Variants in UNC13C observed in about 807,000 individuals in gnomAD.
UNC13C encodes unc-13 homolog C.
A neutral mutation model predicts 245.4 loss-of-function variants in UNC13C; 174 were observed. That is an observed-to-expected ratio of 0.71 (90% CI 0.63 to 0.80). UNC13C has a LOEUF of 0.80. Among genes scored for constraint, UNC13C ranks in the 30% least tolerant of loss-of-function variants. The pLI, the probability that UNC13C is intolerant of heterozygous loss-of-function variation, is 0.00. For synonymous variants in UNC13C, 992 were observed against 895.1 expected (o/e 1.11, Z -1.93); for missense variants, 2,829 against 2,602.9 (o/e 1.09, Z -1.89).
chr15:54,203,421 G>T (rs1181986873), intron 4 of UNC13C, among the ~76,000 whole-genome samples: 1 of 150,006 alleles, frequency 6.7e-6, no homozygotes, highest in Non-Finnish European at 1.5e-5. Context: ...TATAGAATCA[G>T]TCCAAATGCC....
chr15:54,043,985 G>A (rs1017259246), intron 2 of UNC13C, among the ~76,000 whole-genome samples: 14 of 152,046 alleles, frequency 9.2e-5, no homozygotes, highest in African/African-American at 3.4e-4. Flanking sequence ...ATAATTTTTA[G>A]CATATTTAGA....
chr15:53,859,884 A>G, the UNC13C span, among the ~76,000 whole-genome samples: 1 of 152,038 alleles, frequency 6.6e-6, no homozygotes, highest in Non-Finnish European at 1.5e-5. Context: ...ACGGTTTTGG[A>G]CTATGTGTTC....
Position 54,623,910 on chromosome 15 carries a change from A to C in UNC13C, c.6315A>C (p.Thr2105=). 6.2e-7 allele frequency: 1 copy of C among 1,613,364 alleles called. No individual in the cohort carries two copies. The highest frequency in any genetic ancestry group is 8.5e-7 in the Non-Finnish European group (1 of 1,179,474). ...GDKKRKQGTK[T]KSNTWSPKYN... ...AGAAGAGAAAACAAGGCACAAAAACAAAAAGCAACACATGGTCACCAAAGT... is the reference window on the plus strand; with the variant it reads ...AGAAGAGAAAACAAGGCACAAAAACCAAAAGCAACACATGGTCACCAAAGT... Residue 2105 remains threonine, a synonymous_variant, in exon 32 of 33, where the codon ACA becomes ACC. Transcript: ENST00000260323.
chr15:54,489,244 A>T (rs1893576660), intron 19 of UNC13C, among the ~76,000 whole-genome samples: 1 of 152,226 alleles, frequency 6.6e-6, no homozygotes, highest in African/African-American at 2.4e-5. Flanking sequence ...TGTAACTGAG[A>T]GACCACAAAT....
At chr15:53,920,631 C>T in the UNC13C span, among the ~76,000 whole-genome samples, 8 of 151,836 alleles carry the variant, frequency 5.3e-5, no homozygotes, top group African/African-American at 1.9e-4. Context: ...ACATTAGCTC[C>T]TTGGTGTAGA....
intron 18 of UNC13C, among the ~76,000 whole-genome samples, chr15:54,398,279 C>A (rs1377792959): frequency 6.6e-6 from 1 of 151,374 alleles, no homozygotes; most frequent in Admixed American, 6.6e-5. Context: ...TTTAAACCAA[C>A]CTTGCATTCC....
At chr15:54,097,832 T>G (rs1899951157) in intron 2 of UNC13C, among the ~76,000 whole-genome samples, 3 of 152,224 alleles carry the variant, frequency 2.0e-5, no homozygotes, top group Admixed American at 2.0e-4. Flanking sequence ...CAGATCATTG[T>G]TAGAATAACT....
chr15:54,525,620 C>T lies in UNC13C; in HGVS notation c.5529C>T (p.Ser1843=), dbSNP rs750958347. The T allele has an allele frequency of 2.3e-5, 37 of 1,612,130 alleles. No individual in the cohort carries two copies. Among genetic ancestry groups the T allele is most frequent in the African/African-American group, 5.3e-5 (4 of 74,864 alleles). ...VKLSGVLDEL[S]VTYGESFQVI... is the part of the protein sequence containing the mutation. ...TCAGTGGGGTCCTGGATGAGCTCAG[C>T]GTCACTTATGGTGAAAGGTAAGTGG... Residue 1843 remains serine, a synonymous_variant, in exon 25 of 33, where the codon AGC becomes AGT. Transcript: ENST00000260323.
chr15:54,495,040 G>A (rs1893889762), intron 20 of UNC13C, among the ~76,000 whole-genome samples: 2 of 151,744 alleles, frequency 1.3e-5, no homozygotes, highest in African/African-American at 4.8e-5. Context: ...AGATTTTTTT[G>A]GGGAAAGTAT....
rs751742190 is a variant in UNC13C at position 54,501,332 on chromosome 15, T to C, written c.5301+354T>C. 5.6e-4 allele frequency among the ~76,000 whole-genome samples: 85 copies of C among 152,264 alleles called. 2 individuals carry two copies. In the Middle Eastern group the frequency reaches 0.017, roughly 30 times the overall value. ...AAATTGCCAAGTGTTTTAGCAGACA[T>C]TGTAGTATAGTGCAATGTATATTGA... On this transcript the variant is annotated intron_variant, in intron 22 of 32. Transcript: ENST00000260323.
intron 11 of UNC13C, among the ~76,000 whole-genome samples, chr15:54,297,247 T>G (rs1320991269): frequency 1.3e-5 from 2 of 152,142 alleles, no homozygotes; most frequent in Non-Finnish European, 2.9e-5. Flanking sequence ...AATTGCAGGG[T>G]CTTCTGATTA....
chr15:54,454,410 C>T (rs1322032501), intron 19 of UNC13C, among the ~76,000 whole-genome samples: 2 of 151,968 alleles, frequency 1.3e-5, no homozygotes, highest in Non-Finnish European at 1.5e-5. Flanking sequence ...AACCCCGTCT[C>T]TACTAAAAAT....
chr15:53,965,371 A>C, the UNC13C span, among the ~76,000 whole-genome samples: 3 of 152,022 alleles, frequency 2.0e-5, no homozygotes, highest in Non-Finnish European at 4.4e-5. Flanking sequence ...CACAGCCTTC[A>C]GTACAATTAC....
intron 10 of UNC13C, among the ~76,000 whole-genome samples, chr15:54,292,279 A>C (rs911945391): frequency 2.6e-5 from 4 of 152,126 alleles, no homozygotes; most frequent in African/African-American, 9.6e-5. Context: ...CAATGAGTTA[A>C]GAAATTTCCT....
intron 4 of UNC13C, among the ~76,000 whole-genome samples, chr15:54,213,903 G>A (rs2034960722): frequency 6.6e-6 from 1 of 152,006 alleles, no homozygotes; most frequent in African/African-American, 2.4e-5. Flanking sequence ...AAGTTTACCA[G>A]CCAAAGGCAT....
intron 2 of UNC13C, among the ~76,000 whole-genome samples, chr15:54,037,457 G>A (rs1208172048): frequency 6.6e-6 from 1 of 152,076 alleles, no homozygotes; most frequent in African/African-American, 2.4e-5. Flanking sequence ...TTGTCCAAAA[G>A]GCTTAGCACA....
intron 2 of UNC13C, among the ~76,000 whole-genome samples, chr15:54,070,780 A>G (rs2163194): frequency 0.88 from 134,390 of 152,040 alleles, 60,229 homozygotes; most frequent in Non-Finnish European, 0.97. Flanking sequence ...TGGATATTTG[A>G]TCAAGATAAG....
At chr15:54,529,967 C>T (rs1010969677) in intron 25 of UNC13C, among the ~76,000 whole-genome samples, 1 of 152,096 alleles carries the variant, frequency 6.6e-6, no homozygotes, top group Non-Finnish European at 1.5e-5. Flanking sequence ...GAATATCTTA[C>T]TACTTGCCAT....
intron 16 of UNC13C, among the ~76,000 whole-genome samples, chr15:54,336,195 G>A (rs908892760): frequency 2.6e-5 from 4 of 151,700 alleles, no homozygotes; most frequent in African/African-American, 9.7e-5. Flanking sequence ...TGTATTTATT[G>A]TGTACAACAT....
Sources: allele counts gnomAD v4.1 joint callset (sites outside exome capture counted in the v4.1 genomes callset), GRCh38; gene constraint gnomAD v4.1.1; transcripts MANE v1.5; gene names NCBI Gene and HGNC (gene_info 2026-07-23, HGNC 2026-07-21).